EMG1: variants seen among roughly 807,000 people sequenced by gnomAD.
The protein encoded by EMG1 is ribosomal RNA small subunit methyltransferase NEP1.
EMG1 carries 24 observed loss-of-function variants against 26.9 expected under a neutral mutation model. The ratio of observed to expected loss-of-function variants is 0.89; its 90% CI spans 0.65 to 1.26. The LOEUF (loss-of-function observed/expected upper bound fraction) is 1.26, where lower values mean the gene tolerates loss of function less well. Ranked by LOEUF, EMG1 falls within the 50% of genes most tolerant of loss-of-function variation. The pLI is 0.00. For missense variants in EMG1, 299 were observed against 307.6 expected, an observed-to-expected ratio of 0.97 and a Z score of 0.21; for synonymous variants, 140 against 112.6, an observed-to-expected ratio of 1.24 and a Z score of -1.54.
downstream of EMG1, among the ~76,000 whole-genome samples, chr12:6,991,565 C>T (rs1946590800): frequency 6.6e-6 from 1 of 152,198 alleles, no homozygotes; most frequent in Non-Finnish European, 1.5e-5. Flanking sequence ...AGTGGTCAAG[C>T]TCATGGGAGT....
rs782710641 is a variant in EMG1, at chr12:6,975,712, C to T, written c.638C>T (p.Thr213Ile). 18 of 1,609,906 alleles carry T rather than the reference C, an allele frequency of 1.1e-5. No individual in the cohort carries two copies. Among genetic ancestry groups the T allele is most frequent in the Non-Finnish European group, 1.4e-5 (17 of 1,176,230 alleles). Reference sequence around the variant, plus strand: ...TTTTCTTAGGTCAGTGTGGAGTATACAGAGAAGATGGTGTCCATCAGTAAC... The same window carrying T: ...TTTTCTTAGGTCAGTGTGGAGTATATAGAGAAGATGGTGTCCATCAGTAAC... ...FAHGKVSVEY[T>I]EKMVSISNYP... is the part of the protein sequence containing the mutation. The change falls in exon 6 of 6, where the codon ACA (threonine) becomes ATA (isoleucine). Residue 213 changes from threonine to isoleucine, a missense_variant. By Grantham distance (89) the Thr-to-Ile change is moderately conservative. Coordinates refer to ENST00000599672, the MANE Select transcript of EMG1 (RefSeq NM_006331.8).
At chr12:6,983,612 T>A, downstream of EMG1, 1 of 952,278 alleles carries the variant, frequency 1.1e-6, no homozygotes, top group Non-Finnish European at 1.7e-6. Flanking sequence ...GAAGTTTATC[T>A]GGCATGAAAC....
At position 6,975,795 on chromosome 12, in the gene EMG1, TGG is replaced by T; in HGVS notation, c.726_727del (p.Val243HisfsTer25). ...AKLTTAFEEV[W>X]GVI is the part of the protein sequence containing the mutation. ...ACTTACCACAGCCTTTGAGGAAGTA[TGG>T]GGGGTCATTTGACAGTAGTAGAACC... is the stretch of plus-strand genomic sequence containing the variant. On this transcript the variant is annotated frameshift_variant, in exon 6 of 6. Transcript: ENST00000599672. LOFTEE classifies it high-confidence loss of function. 6.2e-7 allele frequency: 1 copy of T among 1,605,444 alleles called. No homozygotes were observed. Among genetic ancestry groups the T allele is most frequent in the Non-Finnish European group, 8.5e-7 (1 of 1,172,204 alleles).
At chr12:6,995,535 C>T (rs1016663853) in intron 7 of EMG1, among the ~76,000 whole-genome samples, 1 of 151,932 alleles carries the variant, frequency 6.6e-6, no homozygotes, top group African/African-American at 2.4e-5. Context: ...GTCATGAAAT[C>T]CTGTTGATTC....
chr12:6,990,564 A>AATAG (rs1946579369), downstream of EMG1, among the ~76,000 whole-genome samples: 1 of 117,468 alleles, frequency 8.5e-6, no homozygotes, highest in African/African-American at 3.4e-5. Flanking sequence ...TAAATAAATA[A>AATAG]ATTGAGCACC....
At chr12:6,990,960 A>T (rs1252973198), downstream of EMG1, among the ~76,000 whole-genome samples, 2 of 151,694 alleles carry the variant, frequency 1.3e-5, no homozygotes, top group African/African-American at 4.8e-5. Context: ...AAAAAAAAGT[A>T]AAAGATATGA....
downstream of EMG1, among the ~76,000 whole-genome samples, chr12:6,991,677 T>G (rs1946591314): frequency 6.6e-6 from 1 of 152,218 alleles, no homozygotes; most frequent in Non-Finnish European, 1.5e-5. Flanking sequence ...CAGGCTCACT[T>G]CATACAGTTT....
chr12:6,976,838 G>C lies in EMG1; in HGVS notation c.*1029G>C, dbSNP rs781965295. 1 of 256,624 alleles carries C rather than the reference G, an allele frequency of 3.9e-6. No homozygotes were observed. The highest frequency in any genetic ancestry group is 7.6e-6 in the Non-Finnish European group (1 of 131,588). 15.9% of individuals were successfully genotyped at this position (256,624 alleles called of 1,614,324 possible). ...TTCCATTCTCTGCTCTGGGGCAAAG[G>C]AGTGCTGTGAAAAGGGAGACGAGTA... is the stretch of plus-strand genomic sequence containing the variant. On this transcript the variant is annotated 3_prime_UTR_variant, in exon 6 of 6. Coordinates refer to ENST00000599672, the MANE Select transcript of EMG1 (RefSeq NM_006331.8).
At chr12:6,980,663 ACCTACCTACCTATCAACCTG>A (rs1187760891), downstream of EMG1, 1 of 164,168 alleles carries the variant, frequency 6.1e-6, no homozygotes, top group South Asian at 2.0e-4. Context: ...GCCTCTATCT[ACCTACCTACCTATCAACCTG>A]CCTACCTACC....
At chr12:6,985,265 G>A (rs894164356) in intron 6 of EMG1, among the ~76,000 whole-genome samples, 2 of 151,922 alleles carry the variant, frequency 1.3e-5, no homozygotes, top group African/African-American at 2.4e-5. Flanking sequence ...GTGTGGTGGC[G>A]GGCGCCTATA....
At chr12:6,996,206 C>A (rs1471302102) in intron 7 of EMG1, among the ~76,000 whole-genome samples, 1 of 152,234 alleles carries the variant, frequency 6.6e-6, no homozygotes, top group African/African-American at 2.4e-5. Flanking sequence ...TTAAGCAGGT[C>A]CAGCCTTGGT....
rs782695884 is a variant in EMG1, at chr12:6,971,088, C to T, written c.165C>T (p.Val55=). The T allele has an allele frequency of 1.5e-5, 24 of 1,609,520 alleles. No individual in the cohort carries two copies. The East Asian group carries it at 3.8e-4, about 25-fold the overall frequency. The change falls in exon 1 of 6, where the codon GTC becomes GTT. Residue 55 remains valine (V), a synonymous_variant. Coordinates refer to ENST00000599672, the MANE Select transcript of EMG1 (RefSeq NM_006331.8). ...VVLEGASLET[V]KVGKTYELLN... ...TGGAAGGGGCCAGTCTGGAGACAGT[C>T]AAGGTAGTTTGGGACAGGAAGTGGA...
chr12:6,974,980 TA>T (rs2138322040), intron 3 of EMG1, 109 bp from the exon 4 acceptor site: 2 of 1,115,484 alleles, frequency 1.8e-6, no homozygotes, highest in East Asian at 4.8e-5. Flanking sequence ...CCAGTCTAGA[TA>T]TAAAGCACAC....
At chr12:6,973,191 C>CTT (rs34615330) in intron 1 of EMG1, among the ~76,000 whole-genome samples, 3 of 151,000 alleles carry the variant, frequency 2.0e-5, no homozygotes, top group Non-Finnish European at 4.4e-5. Flanking sequence ...TTTCTTTTTT[C>CTT]TTTTTTTTGA....
chr12:6,990,104 G>C (rs1340490969), downstream of EMG1, among the ~76,000 whole-genome samples: 2 of 151,764 alleles, frequency 1.3e-5, no homozygotes, highest in Non-Finnish European at 1.5e-5. Context: ...CTGAGTCTGG[G>C]GAGACAGAAG....
downstream of EMG1, chr12:6,981,090 G>A (rs782380571): frequency 1.2e-6 from 2 of 1,613,912 alleles, no homozygotes; most frequent in South Asian, 1.1e-5. Flanking sequence ...GCCCTACCAA[G>A]AAGGCCCCAT....
chr12:6,971,648 C>A (rs1363010184), intron 1 of EMG1, among the ~76,000 whole-genome samples: 5 of 152,162 alleles, frequency 3.3e-5, no homozygotes, highest in African/African-American at 1.2e-4. Context: ...AATTGGTTTA[C>A]CAGGATTCTG....
Position 6,970,984 on chromosome 12 carries a change from G to A in EMG1, c.61G>A (p.Asp21Asn), listed in dbSNP as rs782438220. 9 of 1,612,658 alleles carry A rather than the reference G, an allele frequency of 5.6e-6. No individual in the cohort carries two copies. The highest frequency in any genetic ancestry group is 2.2e-5 in the East Asian group (1 of 44,870). ...ACGAAGCGGTGGGGAGCAGGCACAG[G>A]ACTGGGATGCTCTGCCACCCAAGCG... The part of the protein sequence containing the change: ...RERSGGEQAQ[D>N]WDALPPKRPR... The change falls in exon 1 of 6, where the codon GAC (aspartate) becomes AAC (asparagine). Residue 21 changes from aspartate (D) to asparagine (N), a missense_variant. Physicochemically the swap from Asp to Asn is conservative, Grantham distance 23. Coordinates refer to ENST00000599672, the MANE Select transcript of EMG1 (RefSeq NM_006331.8).
In EMG1 at chr12:6,975,681, C is replaced by G; in HGVS notation, c.622-15C>G. Reference sequence around the variant, plus strand: ...TGAGTGACAGAGTTGGCTGACAAAACTGTTCTTTTCTTAGGTCAGTGTGGA... The same window carrying G: ...TGAGTGACAGAGTTGGCTGACAAAAGTGTTCTTTTCTTAGGTCAGTGTGGA... On this transcript the variant is annotated splice_polypyrimidine_tract_variant and intron_variant, in intron 5 of 5. Coordinates refer to ENST00000599672, the MANE Select transcript of EMG1 (RefSeq NM_006331.8). 6.4e-7 allele frequency: 1 copy of G among 1,555,034 alleles called. No homozygotes were observed. Among genetic ancestry groups the G allele is most frequent in the Non-Finnish European group, 8.9e-7 (1 of 1,126,072 alleles).
Sources: allele counts gnomAD v4.1 joint callset (sites outside exome capture counted in the v4.1 genomes callset), GRCh38; gene constraint gnomAD v4.1.1; transcripts MANE v1.5; gene names NCBI Gene and HGNC (gene_info 2026-07-23, HGNC 2026-07-21).